DOCK3: variants seen among roughly 807,000 people sequenced by gnomAD.
DOCK3 encodes dedicator of cytokinesis 3, also known as dedicator of cytokinesis protein 3.
Under a neutral mutation model 265.6 loss-of-function variants are expected in DOCK3, and 60 were observed. The ratio of observed to expected loss-of-function variants is 0.23; its 90% CI spans 0.18 to 0.28. The LOEUF is 0.28. Ranked by LOEUF, DOCK3 falls within the 10% of genes least tolerant of loss-of-function variation. The probability of loss-of-function intolerance (pLI) is 1.00; values close to 1 mark genes in which losing one functional copy is unlikely to be tolerated. For missense variants in DOCK3, 1,981 were observed against 2,594.3 expected (o/e 0.76, Z 5.14); for synonymous variants, 881 against 938.0 (o/e 0.94, Z 1.11).
At chr3:51,333,929 G>GTC (rs2084695762) in intron 35 of DOCK3, among the ~76,000 whole-genome samples, 1 of 151,644 alleles carries the variant, frequency 6.6e-6, no homozygotes, top group Admixed American at 6.6e-5. Flanking sequence ...CAGCCTCGAA[G>GTC]TCCTAGGCTC....
rs1469358928 is a variant in DOCK3, at chr3:51,116,478, G to GT, written c.746+26101dup. 5.5e-5 allele frequency among the ~76,000 whole-genome samples: 8 copies of GT among 144,190 alleles called. 2 individuals are homozygous for GT. Among genetic ancestry groups the GT allele is most frequent in the South Asian group, 2.2e-4 (1 of 4,510 alleles). The allele number at this position is 144,190 out of a possible 152,430, so 94.6% of individuals were successfully genotyped here. ...AAAAAAAAAAAAAAAAAAAAGGGTA[G>GT]TTTTTTTCTAATTCTGTGAAGAAAA... On this transcript the variant is annotated intron_variant, in intron 9 of 52. Coordinates refer to ENST00000266037, the MANE Select transcript of DOCK3 (RefSeq NM_004947.5).
chr3:50,751,257 AC>A (rs983508114), intron 1 of DOCK3, among the ~76,000 whole-genome samples: 4 of 149,610 alleles, frequency 2.7e-5, no homozygotes, highest in African/African-American at 9.7e-5. Flanking sequence ...AAAAGAATGG[AC>A]TTTTTTTTTT....
chr3:50,746,684 C>T (rs1218662283), intron 1 of DOCK3, among the ~76,000 whole-genome samples: 10 of 152,018 alleles, frequency 6.6e-5, no homozygotes, highest in Admixed American at 6.6e-5. Flanking sequence ...ATGGTGAGGG[C>T]CTCAGGAAGC....
chr3:51,287,772 C>T (rs572465414), intron 27 of DOCK3, among the ~76,000 whole-genome samples: 360 of 152,180 alleles, frequency 2.4e-3, no homozygotes, highest in Admixed American at 3.5e-3. Flanking sequence ...CCCAGCAATC[C>T]CATTGCTGGA....
At chr3:51,326,027 G>A (rs1418999542) in intron 32 of DOCK3, among the ~76,000 whole-genome samples, 3 of 149,166 alleles carry the variant, frequency 2.0e-5, no homozygotes, top group Non-Finnish European at 4.4e-5. Context: ...AAAACTGCCC[G>A]TTCTGCACAT....
chr3:51,341,451 C>T, intron 38 of DOCK3, 66 bp downstream of exon 38: 4 of 1,589,278 alleles, frequency 2.5e-6, no homozygotes, highest in Non-Finnish European at 3.4e-6. Context: ...ATCTTGACAC[C>T]ATAGGGTTAA....
intron 3 of DOCK3, among the ~76,000 whole-genome samples, chr3:50,857,465 C>T (rs564243583): frequency 2.2e-4 from 34 of 152,156 alleles, no homozygotes; most frequent in African/African-American, 5.3e-4. Context: ...AGCTTCTGCA[C>T]GGCAAAAGAA....
chr3:50,958,393 GGCTTGTTAGTTATATCT>G (rs968424106), intron 5 of DOCK3, among the ~76,000 whole-genome samples: 91 of 152,216 alleles, frequency 6.0e-4, no homozygotes, highest in African/African-American at 2.1e-3. Flanking sequence ...GCTACCTATT[GGCTTGTTAGTTATATCT>G]GCTTGTGTGT....
At chr3:51,031,235 T>C (rs113889265) in intron 5 of DOCK3, among the ~76,000 whole-genome samples, 2 of 152,322 alleles carry the variant, frequency 1.3e-5, no homozygotes, top group African/African-American at 2.4e-5. Context: ...ATCAAAGCTT[T>C]AGTGGATATC....
At chr3:50,994,358 G>A (rs553598149) in intron 5 of DOCK3, among the ~76,000 whole-genome samples, 2 of 152,270 alleles carry the variant, frequency 1.3e-5, no homozygotes, top group African/African-American at 4.8e-5. Context: ...TGTGAGATAA[G>A]TATTGTTAGT....
chr3:51,091,832 G>T (rs1184228564), intron 9 of DOCK3, among the ~76,000 whole-genome samples: 1 of 152,174 alleles, frequency 6.6e-6, no homozygotes, highest in Non-Finnish European at 1.5e-5. Context: ...GGACTGGTTG[G>T]ACAGTGGGTG....
At position 51,338,304 on chromosome 3, in the gene DOCK3, T is replaced by C. The variant is rs1490284383; in HGVS notation, c.3612-55T>C. 29 of 1,541,068 alleles carry C rather than the reference T, an allele frequency of 1.9e-5. No individual in the cohort carries two copies. The East Asian group carries it at 5.4e-4, about 29-fold the overall frequency. On this transcript the variant is annotated intron_variant, in intron 35 of 52. Coordinates refer to ENST00000266037, the MANE Select transcript of DOCK3 (RefSeq NM_004947.5). ...GCCCCAGTGATAGTACAGTTCTATG[T>C]GTTGTCTCAAGGCCCCACTTCATAT...
At chr3:50,700,447 G>A (rs1364317613) in intron 1 of DOCK3, among the ~76,000 whole-genome samples, 1 of 152,040 alleles carries the variant, frequency 6.6e-6, no homozygotes, top group African/African-American at 2.4e-5. Context: ...ACCTTTTCCA[G>A]CCTTTGGTAA....
At chr3:51,127,673 G>T (rs916627285) in intron 9 of DOCK3, among the ~76,000 whole-genome samples, 1 of 152,174 alleles carries the variant, frequency 6.6e-6, no homozygotes, top group Non-Finnish European at 1.5e-5. Flanking sequence ...TACAGTCCTC[G>T]TTTCTGCAGC....
intron 5 of DOCK3, among the ~76,000 whole-genome samples, chr3:50,956,108 G>C (rs1157628514): frequency 1.3e-5 from 2 of 150,542 alleles, no homozygotes; most frequent in African/African-American, 4.9e-5. Flanking sequence ...GCCACTGTTT[G>C]ATTTGCATTT....
intron 2 of DOCK3, among the ~76,000 whole-genome samples, chr3:50,806,923 G>T (rs573020617): frequency 3.9e-5 from 6 of 152,126 alleles, no homozygotes; most frequent in African/African-American, 1.4e-4. Context: ...GACTCAGGGG[G>T]TGTAAGGACT....
chr3:51,056,605 AT>A, intron 5 of DOCK3, among the ~76,000 whole-genome samples: 1 of 152,340 alleles, frequency 6.6e-6, no homozygotes, highest in East Asian at 1.9e-4. Context: ...TAGTCTAGAA[AT>A]CTTTTCATTA....
chr3:51,140,546 T>G (rs1576213846), intron 9 of DOCK3, among the ~76,000 whole-genome samples: 1 of 152,366 alleles, frequency 6.6e-6, no homozygotes, highest in Admixed American at 6.5e-5. Context: ...CTATTATTAA[T>G]AATGCTATGA....
At chr3:50,805,160 T>G (rs936548147) in intron 2 of DOCK3, among the ~76,000 whole-genome samples, 7 of 152,188 alleles carry the variant, frequency 4.6e-5, no homozygotes, top group Non-Finnish European at 8.8e-5. Flanking sequence ...TGGTGTAGGT[T>G]TCTTAGGGAA....
Sources: gnomAD v4.1 joint callset for allele counts (sites outside exome capture counted in the v4.1 genomes callset) on GRCh38, gnomAD v4.1.1 for gene constraint, MANE v1.5 for transcripts, NCBI Gene and HGNC (gene_info 2026-07-23, HGNC 2026-07-21) for gene names.